EHMT1: variants seen among roughly 807,000 people sequenced by gnomAD.
The protein encoded by EHMT1 is euchromatic histone lysine methyltransferase 1.
Under a neutral mutation model 147.2 loss-of-function variants are expected in EHMT1, and 15 were observed. The observed-to-expected ratio is 0.10, with a 90% CI of 0.07 to 0.16. EHMT1 has a LOEUF of 0.16. EHMT1 is among the 10% of genes least tolerant of loss of function. The pLI is 1.00. For synonymous variants in EHMT1, 795 were observed against 709.6 expected (o/e 1.12, Z -1.91); for missense variants, 1,587 against 1,772.4 (o/e 0.90, Z 1.88).
chr9:137,643,105 A>G (rs1422873280), intron 1 of EHMT1, among the ~76,000 whole-genome samples: 1 of 151,198 alleles, frequency 6.6e-6, no homozygotes, highest in African/African-American at 2.4e-5. Context: ...CTGGTCTCCA[A>G]CTCCTGGTCT....
At chr9:137,755,857 G>A (rs1194767170) in intron 8 of EHMT1, among the ~76,000 whole-genome samples, 3 of 152,122 alleles carry the variant, frequency 2.0e-5, no homozygotes, top group Admixed American at 6.5e-5. Context: ...TTTTTGAAAC[G>A]TGTCTGTTCA....
intron 1 of EHMT1, among the ~76,000 whole-genome samples, chr9:137,634,584 A>G (rs538296967): frequency 6.7e-6 from 1 of 149,996 alleles, no homozygotes; most frequent in African/African-American, 2.5e-5. Context: ...TGTCTTTTTC[A>G]TGATTGGGTC....
At chr9:137,808,562 C>A (rs1954143201) in intron 18 of EHMT1, among the ~76,000 whole-genome samples, 1 of 151,722 alleles carries the variant, frequency 6.6e-6, no homozygotes, top group Admixed American at 6.6e-5. Context: ...CAGTTGTAGG[C>A]CAGGCTTGTC....
At chr9:137,768,876 G>A (rs954426693) in intron 10 of EHMT1, among the ~76,000 whole-genome samples, 12 of 151,516 alleles carry the variant, frequency 7.9e-5, no homozygotes, top group Middle Eastern at 3.4e-3. Flanking sequence ...TAGTAGAGAC[G>A]GGGTTTCCCC....
chr9:137,793,258 C>A (rs1182586858), intron 16 of EHMT1, among the ~76,000 whole-genome samples: 2 of 152,180 alleles, frequency 1.3e-5, no homozygotes, highest in African/African-American at 4.8e-5. Flanking sequence ...AATTAAACCA[C>A]CCAATTCAGA....
chr9:137,622,880 C>T (rs1201905960), intron 1 of EHMT1, among the ~76,000 whole-genome samples: 3 of 146,696 alleles, frequency 2.0e-5, no homozygotes, highest in Admixed American at 6.9e-5. Context: ...GCCCTGCAGC[C>T]TGGGTGACAG....
rs755709967 is a variant in EHMT1, at chr9:137,782,241, G to C, written c.2276-50G>C. 5 of 1,519,280 alleles carry C rather than the reference G, an allele frequency of 3.3e-6. No individual in the cohort carries two copies. In the East Asian group the frequency reaches 1.2e-4, roughly 36 times the overall value. 94.1% of individuals were successfully genotyped at this position (1,519,280 alleles called of 1,614,324 possible). ...CAGCCATCGTGACAGTCCTGAGCTG[G>C]AGTCTGTGGCTACATCTGAAATCAT... On this transcript the variant is annotated intron_variant, in intron 14 of 26. Transcript: ENST00000460843. This position sits in a 1 kb window ranked among gnomAD's most constrained non-coding sequence, Gnocchi z 5.7.
rs1945603721 is a variant in EHMT1 at position 137,718,705 on chromosome 9, T to G, written c.642+1523T>G. Reference sequence around the variant, plus strand: ...TTGATATATTTTATTCTGACATAAATTTTTTTCATGCCCAGTATCTCTGAT... The same window carrying G: ...TTGATATATTTTATTCTGACATAAAGTTTTTTCATGCCCAGTATCTCTGAT... On this transcript the variant is annotated intron_variant, in intron 3 of 26. Transcript: ENST00000460843. Among the ~76,000 whole-genome samples, 2 of 152,048 alleles carry G rather than the reference T, an allele frequency of 1.3e-5. 1 individual carries two copies. Among genetic ancestry groups the G allele is most frequent in the South Asian group, 4.1e-4 (2 of 4,828 alleles).
intron 1 of EHMT1, among the ~76,000 whole-genome samples, chr9:137,700,974 A>G (rs942176128): frequency 6.6e-6 from 1 of 152,214 alleles, no homozygotes; most frequent in Non-Finnish European, 1.5e-5. Flanking sequence ...GCCTCAAGCA[A>G]CTTAAAATCA....
chr9:137,642,915 T>C (rs1223569634), intron 1 of EHMT1, among the ~76,000 whole-genome samples: 1 of 151,946 alleles, frequency 6.6e-6, no homozygotes, highest in African/African-American at 2.4e-5. Context: ...AGGGTCTCGC[T>C]CTGTCACCCA....
intron 1 of EHMT1, among the ~76,000 whole-genome samples, chr9:137,642,221 G>T (rs973982856): frequency 6.6e-6 from 1 of 152,160 alleles, no homozygotes; most frequent in African/African-American, 2.4e-5. Flanking sequence ...ATTACTGAAA[G>T]GTAGGGTTTA....
At chr9:137,709,364 T>A (rs945519720) in intron 1 of EHMT1, among the ~76,000 whole-genome samples, 1 of 152,104 alleles carries the variant, frequency 6.6e-6, no homozygotes, top group Non-Finnish European at 1.5e-5. Flanking sequence ...GGCTTGGCAG[T>A]GGGAGATCAG....
chr9:137,763,184 T>TGCCCAGAAC (rs57849153), intron 10 of EHMT1: 136,056 of 461,052 alleles, frequency 0.3, 21,421 homozygotes, highest in Admixed American at 0.42. Context: ...TGCCCAGAAC[T>TGCCCAGAAC]GTGGTTTCCT....
chr9:137,767,460 G>A (rs914956365), intron 10 of EHMT1, among the ~76,000 whole-genome samples: 12 of 152,168 alleles, frequency 7.9e-5, no homozygotes, highest in Non-Finnish European at 1.2e-4. Context: ...AAGTGTTTTG[G>A]ATTTCATTTT....
At chr9:137,698,838 A>G (rs961924113) in intron 1 of EHMT1, among the ~76,000 whole-genome samples, 16 of 152,094 alleles carry the variant, frequency 1.1e-4, no homozygotes, top group Non-Finnish European at 2.2e-4. Flanking sequence ...GAGATTATCC[A>G]AAATATGTCT....
rs1955990039 is a variant in EHMT1 at position 137,828,707 on chromosome 9, C to G, written c.3541-5642C>G. Among the ~76,000 whole-genome samples, 2 of 152,172 alleles carry G rather than the reference C, an allele frequency of 1.3e-5. No homozygotes were observed. The highest frequency in any genetic ancestry group is 4.8e-5 in the African/African-American group (2 of 41,426). The stretch of plus-strand genomic sequence containing the variant: ...GGAGGGTTATTTTTAACGCACTGCA[C>G]TAGAGCATCTCTAAGGCCGGTGGTT... On this transcript the variant is annotated intron_variant, in intron 25 of 26. Transcript: ENST00000460843. The surrounding 1 kb of genome is among the most constrained non-coding windows in gnomAD (Gnocchi z 5.3).
intron 1 of EHMT1, among the ~76,000 whole-genome samples, chr9:137,707,422 C>T (rs924845374): frequency 2.6e-5 from 4 of 152,244 alleles, no homozygotes; most frequent in Non-Finnish European, 4.4e-5. Context: ...GGGCCTCCCT[C>T]CTCCCCGGTG....
chr9:137,724,796 C>T (rs539323228), intron 3 of EHMT1, among the ~76,000 whole-genome samples: 1 of 152,136 alleles, frequency 6.6e-6, no homozygotes, highest in Non-Finnish European at 1.5e-5. Context: ...GACCAAGAAA[C>T]GTTATACAGC....
At chr9:137,805,794 C>G (rs1432719367) in intron 18 of EHMT1, among the ~76,000 whole-genome samples, 1 of 151,962 alleles carries the variant, frequency 6.6e-6, no homozygotes, top group Non-Finnish European at 1.5e-5. Flanking sequence ...TCCTGAGTAG[C>G]TGGGATTACA....
Sources: gnomAD v4.1 joint callset for allele counts (sites outside exome capture counted in the v4.1 genomes callset) on GRCh38, gnomAD v4.1.1 for gene constraint, Gnocchi (gnomAD v3.1) non-coding constraint, MANE v1.5 for transcripts, NCBI Gene and HGNC (gene_info 2026-07-23, HGNC 2026-07-21) for gene names.